The following DYNLT2 variants were observed in gnomAD, a reference collection of about 807,000 sequenced individuals.
DYNLT2 encodes dynein light chain Tctex-type 2.
A neutral mutation model predicts 24.3 loss-of-function variants in DYNLT2; 24 were observed. That is an observed-to-expected ratio of 0.99 (90% CI 0.71 to 1.39). DYNLT2 has a LOEUF of 1.39. DYNLT2 is among the 40% of genes most tolerant of loss of function. The pLI is 0.00. For synonymous variants in DYNLT2, 85 were observed against 85.4 expected (o/e 1.00, Z 0.03); for missense variants, 246 against 234.5 (o/e 1.05, Z -0.32).
In DYNLT2 at chr6:169,751,474, A is replaced by G. The variant is rs201949555; in HGVS notation, c.-16T>C. ...GCTTCTCCATCTCGCTCTGTTCTCC[A>G]AGACGCCCACCGCCTCCCCTTCACC... On this transcript the variant is annotated 5_prime_UTR_variant, in exon 1 of 4. Coordinates refer to ENST00000366774, the MANE Select transcript of DYNLT2 (RefSeq NM_174910.3). 2 of 1,612,748 alleles carry G rather than the reference A, an allele frequency of 1.2e-6. No homozygotes were observed. The highest frequency in any genetic ancestry group is 1.3e-5 in the African/African-American group (1 of 74,996).
chr6:169,741,438 A>AG (rs1338799966), intron 3 of DYNLT2, among the ~76,000 whole-genome samples: 1 of 152,194 alleles, frequency 6.6e-6, no homozygotes. Flanking sequence ...AAGTCATTAG[A>AG]GGGCTACAAG....
chr6:169,725,253 G>C, the DYNLT2 span: 2 of 398,598 alleles, frequency 5.0e-6, no homozygotes, highest in Admixed American at 4.4e-5. Flanking sequence ...ACTTGTTCTG[G>C]AGAGTAGAGA....
At chr6:169,744,373 G>A (rs1789747876) in intron 1 of DYNLT2, 99 bp from the exon 2 acceptor site, 1 of 977,452 alleles carries the variant, frequency 1.0e-6, no homozygotes, top group Admixed American at 2.8e-5. Flanking sequence ...CAGTGGGACA[G>A]GGCTCACACA....
chr6:169,737,436 C>A (rs1789584592), downstream of DYNLT2, among the ~76,000 whole-genome samples: 1 of 152,072 alleles, frequency 6.6e-6, no homozygotes, highest in Non-Finnish European at 1.5e-5. Flanking sequence ...TTCATTGATT[C>A]TTTCTTATCT....
At chr6:169,726,632 T>A in the DYNLT2 span, among the ~76,000 whole-genome samples, 52 of 152,370 alleles carry the variant, frequency 3.4e-4, no homozygotes, top group Non-Finnish European at 6.8e-4. Flanking sequence ...AAATCCCAGC[T>A]GTGCCTCTTA....
the DYNLT2 span, among the ~76,000 whole-genome samples, chr6:169,734,702 G>A: frequency 6.6e-6 from 1 of 152,156 alleles, no homozygotes; most frequent in African/African-American, 2.4e-5. Flanking sequence ...ATTTTATTGA[G>A]AATTTTCACA....
chr6:169,751,479 GC>G lies in DYNLT2; in HGVS notation c.-22del. On this transcript the variant is annotated 5_prime_UTR_variant, in exon 1 of 4. Coordinates refer to ENST00000366774, the MANE Select transcript of DYNLT2 (RefSeq NM_174910.3). Reference sequence around the variant, plus strand: ...TCCATCTCGCTCTGTTCTCCAAGACGCCCACCGCCTCCCCTTCACCGCCGGC... The same window carrying G: ...TCCATCTCGCTCTGTTCTCCAAGACGCCACCGCCTCCCCTTCACCGCCGGC... 6.2e-7 allele frequency: 1 copy of G among 1,612,214 alleles called. No homozygotes were observed. Among genetic ancestry groups the G allele is most frequent in the Non-Finnish European group, 8.5e-7 (1 of 1,179,094 alleles).
chr6:169,728,780 G>A, the DYNLT2 span, among the ~76,000 whole-genome samples: 6 of 152,194 alleles, frequency 3.9e-5, no homozygotes, highest in African/African-American at 9.6e-5. Context: ...CAATAGTAGT[G>A]TGAACTGTTT....
At chr6:169,735,550 C>T (rs6914442), downstream of DYNLT2, among the ~76,000 whole-genome samples, 350 of 152,270 alleles carry the variant, frequency 2.3e-3, 2 homozygotes, top group African/African-American at 7.9e-3. Flanking sequence ...ACCCAGGAGT[C>T]ATTCAGGAGC....
At chr6:169,735,094 C>T in the DYNLT2 span, among the ~76,000 whole-genome samples, 1 of 152,278 alleles carries the variant, frequency 6.6e-6, no homozygotes, top group East Asian at 1.9e-4. Context: ...TTGTAGTATT[C>T]TCTAATGGTA....
the DYNLT2 span, among the ~76,000 whole-genome samples, chr6:169,732,488 G>A: frequency 5.3e-5 from 8 of 151,978 alleles, no homozygotes; most frequent in African/African-American, 1.9e-4. Flanking sequence ...CCTCTCTTGT[G>A]TCCATGTGTT....
Position 169,744,097 on chromosome 6 carries a change from CTGAA to C in DYNLT2, c.294_297del (p.His98GlnfsTer2). 6.2e-7 allele frequency: 1 copy of C among 1,612,714 alleles called. No homozygotes were observed. Among genetic ancestry groups the C allele is most frequent in the South Asian group, 1.1e-5 (1 of 91,070 alleles). ...AGTATCTGCTGGACTTTAGTTTCTA[CTGAA>C]TGAGCTTGGAATTTCTTCAATGGCT... On this transcript the variant is annotated frameshift_variant, in exon 2 of 4. Transcript: ENST00000366774. LOFTEE classifies it high-confidence loss of function.
the DYNLT2 span, among the ~76,000 whole-genome samples, chr6:169,730,092 G>A: frequency 2.0e-5 from 3 of 152,192 alleles, no homozygotes; most frequent in Non-Finnish European, 4.4e-5. Flanking sequence ...GAACCACCTT[G>A]TTGGGGAACT....
the DYNLT2 span, among the ~76,000 whole-genome samples, chr6:169,726,755 A>G: frequency 6.6e-6 from 1 of 152,240 alleles, no homozygotes; most frequent in Non-Finnish European, 1.5e-5. Context: ...CAAGCCAAGT[A>G]TTAACTAAGA....
chr6:169,730,394 C>T, the DYNLT2 span, among the ~76,000 whole-genome samples: 1 of 152,074 alleles, frequency 6.6e-6, no homozygotes, highest in African/African-American at 2.4e-5. Context: ...TTTTCAGGAG[C>T]CAGAATTTTT....
chr6:169,726,655 T>A, the DYNLT2 span, among the ~76,000 whole-genome samples: 50 of 152,358 alleles, frequency 3.3e-4, no homozygotes, highest in African/African-American at 1.2e-3. Flanking sequence ...AGCTGTGTGA[T>A]CAAAGGTAAA....
At chr6:169,744,038 T>C (rs1268779640) in intron 2 of DYNLT2, 30 bp downstream of exon 2, 19 of 1,591,744 alleles carry the variant, frequency 1.2e-5, no homozygotes, top group Non-Finnish European at 1.6e-5. Flanking sequence ...CCTCATACAA[T>C]ACTGCTATCA....
the DYNLT2 span, among the ~76,000 whole-genome samples, chr6:169,726,633 G>A: frequency 6.6e-6 from 1 of 152,182 alleles, no homozygotes; most frequent in African/African-American, 2.4e-5. Context: ...AATCCCAGCT[G>A]TGCCTCTTAT....
Position 169,751,362 on chromosome 6 carries a change from G to C in DYNLT2, c.97C>G (p.Pro33Ala). 1 of 1,614,082 alleles carries C rather than the reference G, an allele frequency of 6.2e-7. No homozygotes were observed. Among genetic ancestry groups the C allele is most frequent in the Non-Finnish European group, 8.5e-7 (1 of 1,180,006 alleles). ...ACTGCCTCCTTCTCGAACATGCTAGGCCTCCTTTCTTTCCTAGGCGTCACC... is the reference window on the plus strand; with the variant it reads ...ACTGCCTCCTTCTCGAACATGCTAGCCCTCCTTTCTTTCCTAGGCGTCACC... ...APVTPRKERR[P>A]SMFEKEAYTQ... The change falls in exon 1 of 4, where the codon CCT (proline) becomes GCT (alanine). Residue 33 changes from proline (P) to alanine (A), a missense_variant. Pro to Ala is a conservative substitution (Grantham distance 27, BLOSUM62 -1). Transcript: ENST00000366774.
Sources: gnomAD v4.1 joint callset for allele counts (sites outside exome capture counted in the v4.1 genomes callset) on GRCh38, gnomAD v4.1.1 for gene constraint, MANE v1.5 for transcripts, NCBI Gene and HGNC (gene_info 2026-07-23, HGNC 2026-07-21) for gene names.